The following EXOC3L2 variants were observed in gnomAD, a reference collection of about 807,000 sequenced individuals.
EXOC3L2 encodes the protein exocyst complex component 3 like 2.
In EXOC3L2, 17 loss-of-function variants were observed where a neutral mutation model predicts 44.4. The ratio of observed to expected loss-of-function variants is 0.38; its 90% CI spans 0.26 to 0.57. EXOC3L2 has a LOEUF of 0.57. Among genes scored for constraint, EXOC3L2 ranks in the 20% least tolerant of loss-of-function variants. EXOC3L2 has a pLI of 0.65. For missense variants in EXOC3L2, 541 were observed against 588.4 expected (o/e 0.92, Z 0.83); for synonymous variants, 256 against 253.7 (o/e 1.01, Z -0.09).
intron 8 of EXOC3L2, among the ~76,000 whole-genome samples, 194 bp from the exon 9 acceptor site, chr19:45,218,513 T>G (rs1969863446): frequency 6.6e-6 from 1 of 151,846 alleles, no homozygotes; most frequent in Non-Finnish European, 1.5e-5. Flanking sequence ...GGTCCCCAGG[T>G]AGTGATGACC....
At position 45,231,700 on chromosome 19, in the gene EXOC3L2, A is replaced by G. The variant is rs1179350704; in HGVS notation, c.1269+63T>C. 8.4e-6 allele frequency: 12 copies of G among 1,431,700 alleles called. 1 individual carries two copies. In the Admixed American group the frequency reaches 1.6e-4, roughly 19 times the overall value. The allele number at this position is 1,431,700 out of a possible 1,614,324, so 88.7% of individuals were successfully genotyped here. ...AAAGGTGGAGGGGACAGGCTTCCCA[A>G]GCCCACTGTGACCCCCTCCCTCCAC... is the stretch of plus-strand genomic sequence containing the variant. On this transcript the variant is annotated intron_variant, in intron 4 of 11. Transcript: ENST00000413988.
intron 1 of EXOC3L2, among the ~76,000 whole-genome samples, chr19:45,245,000 C>T (rs1449130697): frequency 6.6e-6 from 1 of 151,958 alleles, no homozygotes; most frequent in Non-Finnish European, 1.5e-5. Flanking sequence ...TCCTTCCTGG[C>T]CTCAGTCTTC....
At chr19:45,243,666 G>C (rs2122998262) in intron 1 of EXOC3L2, among the ~76,000 whole-genome samples, 1 of 152,232 alleles carries the variant, frequency 6.6e-6, no homozygotes, top group Non-Finnish European at 1.5e-5. Context: ...GTCTCGCTCT[G>C]TCACCCAGGC....
chr19:45,227,519 G>A, intron 7 of EXOC3L2, 143 bp downstream of exon 7: 1 of 641,686 alleles, frequency 1.6e-6, no homozygotes, highest in Non-Finnish European at 2.7e-6. Flanking sequence ...GCTGTTTCAA[G>A]GACTCCCAGA....
At chr19:45,243,321 G>A (rs867311723) in intron 1 of EXOC3L2, among the ~76,000 whole-genome samples, 1 of 152,230 alleles carries the variant, frequency 6.6e-6, no homozygotes, top group Non-Finnish European at 1.5e-5. Flanking sequence ...TTATGCAGAC[G>A]TGCGGGGGTG....
At chr19:45,222,483 G>A (rs554188121) in intron 8 of EXOC3L2, among the ~76,000 whole-genome samples, 103 of 152,186 alleles carry the variant, frequency 6.8e-4, no homozygotes, top group Non-Finnish European at 1.2e-3. Flanking sequence ...TTACAGGCAT[G>A]AGCCACCACG....
In EXOC3L2 at chr19:45,216,134, C is replaced by G; in HGVS notation, c.2059G>C (p.Glu687Gln). Residue 687 changes from glutamate (E) to glutamine (Q), a missense_variant, in exon 11 of 12, where the codon GAA becomes CAA. Physicochemically the swap from Glu to Gln is conservative, Grantham distance 29 (BLOSUM62 2). Transcript: ENST00000413988. ...TCCACCTGGATGCTGGGCGTGTCTT[C>G]CAGCTGCATGACTTCAGCCAAATGG... The part of the protein sequence containing the change: ...VPHLAEVMQL[E>Q]DTPSIQVEVG... 6.2e-7 allele frequency: 1 copy of G among 1,614,030 alleles called. No individual in the cohort carries two copies. The highest frequency in any genetic ancestry group is 8.5e-7 in the Non-Finnish European group (1 of 1,180,008).
At position 45,212,558 on chromosome 19, in the gene EXOC3L2, G is replaced by A. The variant is rs1367410728; in HGVS notation, c.*511C>T. The A allele has an allele frequency of 6.6e-6, 1 of 151,926 alleles. No individual in the cohort carries two copies. The highest frequency in any genetic ancestry group is 2.4e-5 in the African/African-American group (1 of 41,240). 9.4% of individuals were successfully genotyped at this position (151,926 alleles called of 1,614,324 possible). A position where few individuals can be genotyped will look rare whatever the true frequency, so the allele number is the denominator to read the frequency against. Reference sequence around the variant, plus strand: ...TGCTGGGAACAGGCTTCATGGCCTTGGGAAAATGCTTTGTCTCTTTGGCCT... The same window carrying A: ...TGCTGGGAACAGGCTTCATGGCCTTAGGAAAATGCTTTGTCTCTTTGGCCT... On this transcript the variant is annotated 3_prime_UTR_variant, in exon 12 of 12. Coordinates refer to ENST00000413988, the MANE Select transcript of EXOC3L2 (RefSeq NM_001382422.1).
At position 45,238,576 on chromosome 19, in the gene EXOC3L2, G is replaced by C; in HGVS notation, c.470C>G (p.Pro157Arg). 5.0e-6 allele frequency: 2 copies of C among 399,850 alleles called. No homozygotes were observed. Among genetic ancestry groups the C allele is most frequent in the Non-Finnish European group, 4.4e-6 (1 of 226,538 alleles). The allele number at this position is 399,850 out of a possible 1,614,324, so 24.8% of individuals were successfully genotyped here. A position where few individuals can be genotyped will look rare whatever the true frequency, so the allele number is the denominator to read the frequency against. The change falls in exon 2 of 12, where the codon CCA (proline) becomes CGA (arginine). Residue 157 changes from proline (P) to arginine (R), a missense_variant. Physicochemically the swap from Pro to Arg is moderately radical, Grantham distance 103 (BLOSUM62 -2). Coordinates refer to ENST00000413988, the MANE Select transcript of EXOC3L2 (RefSeq NM_001382422.1). This position sits in a 1 kb window ranked among gnomAD's most constrained non-coding sequence, Gnocchi z 5.5. ...CTCTGGGACCTTGGGTGGGGGCTCT[G>C]GAGCTGCCTCGCCTGCAGGCACCAC... ...ERVVPAGEAA[P>R]EPPPKVPEPP...
chr19:45,215,977 C>A, intron 11 of EXOC3L2, 96 bp downstream of exon 11: 1 of 1,535,620 alleles, frequency 6.5e-7, no homozygotes. Context: ...CACCGGCTCC[C>A]TCCCTCAGGA....
intron 7 of EXOC3L2, among the ~76,000 whole-genome samples, chr19:45,225,471 T>C (rs1430099670): frequency 2.6e-5 from 4 of 151,836 alleles, no homozygotes; most frequent in African/African-American, 7.3e-5. Context: ...GGTTTCACCG[T>C]GTTAGCCAGG....
rs200809286 is a variant in EXOC3L2, at chr19:45,213,044, A to G, written c.*25T>C. On this transcript the variant is annotated 3_prime_UTR_variant, in exon 12 of 12. Transcript: ENST00000413988. ...GCTTGTCAGCAGCATAGATGGGGTCACTAAGGCCGGCGGTTGGGTGACCCT... is the reference window on the plus strand; with the variant it reads ...GCTTGTCAGCAGCATAGATGGGGTCGCTAAGGCCGGCGGTTGGGTGACCCT... 8 of 1,462,846 alleles carry G rather than the reference A, an allele frequency of 5.5e-6. No homozygotes were observed. Among genetic ancestry groups the G allele is most frequent in the Non-Finnish European group, 6.3e-6 (7 of 1,112,890 alleles). 90.6% of individuals were successfully genotyped at this position (1,462,846 alleles called of 1,614,324 possible). A position where few individuals can be genotyped will look rare whatever the true frequency, so the allele number is the denominator to read the frequency against.
At chr19:45,219,561 G>A (rs557889974) in intron 8 of EXOC3L2, among the ~76,000 whole-genome samples, 1 of 152,202 alleles carries the variant, frequency 6.6e-6, no homozygotes, top group East Asian at 1.9e-4. Context: ...TTAGGAAGGA[G>A]TATAGTAAAT....
At chr19:45,222,282 C>G (rs1969906809) in intron 8 of EXOC3L2, among the ~76,000 whole-genome samples, 1 of 151,160 alleles carries the variant, frequency 6.6e-6, no homozygotes. Flanking sequence ...TCATTGCAAC[C>G]TCTGCCTCCC....
intron 1 of EXOC3L2, among the ~76,000 whole-genome samples, chr19:45,243,544 G>A (rs1970146867): frequency 6.6e-6 from 1 of 152,192 alleles, no homozygotes; most frequent in African/African-American, 2.4e-5. Flanking sequence ...CAGTCACCAT[G>A]ACGACCCCTT....
At chr19:45,226,747 C>CTTCTTTTTTTTTTTTTT (rs1969965305) in intron 7 of EXOC3L2, among the ~76,000 whole-genome samples, 3 of 90,668 alleles carry the variant, frequency 3.3e-5, no homozygotes, top group African/African-American at 1.8e-4. Context: ...ACTCCCATCT[C>CTTCTTTTTTTTTTTTTT]TTTTTTTTTT....
intron 8 of EXOC3L2, among the ~76,000 whole-genome samples, chr19:45,219,407 A>AG (rs1393325667): frequency 6.6e-6 from 1 of 151,528 alleles, no homozygotes; most frequent in East Asian, 1.9e-4. Flanking sequence ...AAAAAAAAAA[A>AG]AAAAAAAGAG....
intron 9 of EXOC3L2, 47 bp from the exon 10 acceptor site, chr19:45,217,730 G>C: frequency 3.6e-6 from 5 of 1,382,852 alleles, no homozygotes; most frequent in Non-Finnish European, 4.7e-6. Context: ...CATGCCCCAC[G>C]GACTCCCATC....
intron 8 of EXOC3L2, among the ~76,000 whole-genome samples, chr19:45,219,192 G>A (rs1209428900): frequency 6.6e-6 from 1 of 151,392 alleles, no homozygotes; most frequent in Non-Finnish European, 1.5e-5. Context: ...CAGCCTGGGC[G>A]ACAGAGTAAG....
Sources: allele counts gnomAD v4.1 joint callset (sites outside exome capture counted in the v4.1 genomes callset), GRCh38; gene constraint gnomAD v4.1.1; non-coding constraint Gnocchi (gnomAD v3.1); transcripts MANE v1.5; gene names NCBI Gene and HGNC (gene_info 2026-07-23, HGNC 2026-07-21).